The following BRDT variants were observed in gnomAD, a reference collection of about 807,000 sequenced individuals.
BRDT encodes bromodomain testis associated, also known as bromodomain testis-specific protein.
In BRDT, 77 loss-of-function variants were observed where a neutral mutation model predicts 113.9. That is an observed-to-expected ratio of 0.68 (90% confidence interval 0.56 to 0.82). The LOEUF is 0.82. BRDT is among the 40% of genes least tolerant of loss of function. The pLI, the probability that BRDT is intolerant of heterozygous loss-of-function variation, is 0.00. For missense variants in BRDT, 1,027 were observed against 1,105.4 expected (o/e 0.93, Z 1.01); for synonymous variants, 358 against 366.5 (o/e 0.98, Z 0.26).
At chr1:91,992,352 A>C (rs774282804) in intron 14 of BRDT, 38 bp downstream of exon 14, 1 of 1,402,322 alleles carries the variant, frequency 7.1e-7, no homozygotes, top group Non-Finnish European at 9.6e-7. Context: ...CAGGGGAAGA[A>C]ATGGTTTACA....
At chr1:91,966,406 A>G (rs909881486) in intron 3 of BRDT, among the ~76,000 whole-genome samples, 4 of 152,116 alleles carry the variant, frequency 2.6e-5, no homozygotes, top group Non-Finnish European at 4.4e-5. Flanking sequence ...AATGCGAATG[A>G]TTTTTTTGTC....
chr1:91,952,196 G>A (rs1043686956), intron 1 of BRDT: 4 of 152,236 alleles, frequency 2.6e-5, no homozygotes, highest in Admixed American at 6.5e-5. Flanking sequence ...GTTCAGTGCA[G>A]ATGTTCCTGG....
chr1:91,981,208 G>T, intron 10 of BRDT, 30 bp downstream of exon 10: 1 of 1,607,104 alleles, frequency 6.2e-7, no homozygotes, highest in Non-Finnish European at 8.5e-7. Context: ...AATAGAAATC[G>T]GTTTGGTATT....
intron 16 of BRDT, among the ~76,000 whole-genome samples, chr1:92,003,861 T>A (rs923938506): frequency 3.3e-5 from 5 of 152,186 alleles, no homozygotes; most frequent in African/African-American, 9.6e-5. Flanking sequence ...TTAGAAAACA[T>A]TAAATTACAT....
chr1:91,956,315 C>G (rs1030514846), intron 1 of BRDT, among the ~76,000 whole-genome samples: 30 of 151,686 alleles, frequency 2.0e-4, no homozygotes, highest in African/African-American at 7.0e-4. Context: ...CTGCCCCCCC[C>G]CACCCCCTGC....
intron 16 of BRDT, 45 bp from the exon 17 acceptor site, chr1:92,004,369 T>C (rs777062603): frequency 1.4e-6 from 2 of 1,401,170 alleles, no homozygotes; most frequent in Admixed American, 2.5e-5. Flanking sequence ...TTCCAAAATT[T>C]GGTTAACATC....
At chr1:91,989,572 G>A (rs1232139376) in intron 12 of BRDT, among the ~76,000 whole-genome samples, 2 of 151,828 alleles carry the variant, frequency 1.3e-5, no homozygotes, top group Admixed American at 6.6e-5. Context: ...TGTTGGCCAG[G>A]CTGGTCTTGA....
chr1:91,954,301 G>A (rs1310387848), intron 1 of BRDT, among the ~76,000 whole-genome samples: 2 of 112,898 alleles, frequency 1.8e-5, no homozygotes, highest in Non-Finnish European at 3.5e-5. Context: ...TTTTTTTGAG[G>A]CAAGTTCTCA....
intron 12 of BRDT, among the ~76,000 whole-genome samples, chr1:91,982,480 A>G (rs2101684798): frequency 6.6e-6 from 1 of 152,356 alleles, no homozygotes; most frequent in Admixed American, 6.5e-5. Context: ...TTTATTGACC[A>G]AAAGGCAAAT....
At chr1:91,974,754 C>A (rs1039808503) in intron 4 of BRDT, among the ~76,000 whole-genome samples, 7 of 152,250 alleles carry the variant, frequency 4.6e-5, no homozygotes, top group East Asian at 1.9e-4. Context: ...ACTAGAAATA[C>A]CATTTGACCC....
At chr1:91,965,583 C>T (rs1262217674) in intron 3 of BRDT, among the ~76,000 whole-genome samples, 4 of 152,132 alleles carry the variant, frequency 2.6e-5, no homozygotes, top group Non-Finnish European at 5.9e-5. Context: ...GGCACGGTGG[C>T]TCACACCTGT....
At chr1:91,956,457 T>C (rs1427950461) in intron 1 of BRDT, among the ~76,000 whole-genome samples, 5 of 152,196 alleles carry the variant, frequency 3.3e-5, no homozygotes, top group Admixed American at 6.6e-5. Flanking sequence ...ATGATGGCAG[T>C]GTTCTATATC....
At chr1:91,983,267 T>C (rs1010136356) in intron 12 of BRDT, among the ~76,000 whole-genome samples, 1 of 146,078 alleles carries the variant, frequency 6.8e-6, no homozygotes, top group African/African-American at 2.5e-5. Context: ...TCAAATCTTT[T>C]TTTTTTTTTT....
At chr1:92,002,286 T>C (rs1246169170) in intron 16 of BRDT, 137 bp downstream of exon 16, 5 of 615,984 alleles carry the variant, frequency 8.1e-6, no homozygotes, top group Non-Finnish European at 1.4e-5. Flanking sequence ...TACGTAATTT[T>C]TTGAAAAAGT....
intron 15 of BRDT, among the ~76,000 whole-genome samples, chr1:91,996,594 G>A (rs1686362858): frequency 1.3e-5 from 2 of 152,180 alleles, no homozygotes; most frequent in African/African-American, 4.8e-5. Context: ...TGTAGAGGAT[G>A]GATTAAGATG....
rs1684754516 is a variant in BRDT, at chr1:91,981,736, C to T, written c.1983C>T (p.Asp661=). The part of the protein sequence containing the change: ...ESSSSDLSSS[D]SSDSESEMFP... ...GCAGCAGTGACTTAAGCTCTTCAGACAGCAGTGATTCTGAATCAGGTTAGC... is the reference window on the plus strand; with the variant it reads ...GCAGCAGTGACTTAAGCTCTTCAGATAGCAGTGATTCTGAATCAGGTTAGC... The change falls in exon 12 of 19, where the codon GAC becomes GAT. Residue 661 remains aspartate (D), a synonymous_variant. Coordinates refer to ENST00000399546, the MANE Select transcript of BRDT (RefSeq NM_207189.4). The T allele has an allele frequency of 6.2e-7, 1 of 1,613,782 alleles. No individual in the cohort carries two copies. Among genetic ancestry groups the T allele is most frequent in the Non-Finnish European group, 8.5e-7 (1 of 1,179,822 alleles).
chr1:91,987,654 GTTTTTTGTTTTTTGTTT>G, intron 12 of BRDT, among the ~76,000 whole-genome samples: 1 of 149,054 alleles, frequency 6.7e-6, no homozygotes, highest in African/African-American at 2.6e-5. Flanking sequence ...CCTTGTTTTT[GTTTTTTGTTTTTTGTTT>G]TTTTAAATCA....
intron 12 of BRDT, among the ~76,000 whole-genome samples, chr1:91,985,638 CTTTT>C (rs57330647): frequency 1.8e-5 from 2 of 108,594 alleles, no homozygotes; most frequent in South Asian, 5.9e-4. Context: ...ATTAGTTTTG[CTTTT>C]TTTTTTTTTT....
chr1:91,968,948 T>G (rs1224526067), intron 4 of BRDT, among the ~76,000 whole-genome samples: 1 of 117,038 alleles, frequency 8.5e-6, no homozygotes, highest in Non-Finnish European at 1.9e-5. Flanking sequence ...ATTTATTTAT[T>G]TATTTGAGAC....
Sources: gnomAD v4.1 joint callset for allele counts (sites outside exome capture counted in the v4.1 genomes callset) on GRCh38, gnomAD v4.1.1 for gene constraint, MANE v1.5 for transcripts, NCBI Gene and HGNC (gene_info 2026-07-23, HGNC 2026-07-21) for gene names.